LIMA1: variants seen among roughly 807,000 people sequenced by gnomAD.
LIMA1 encodes the protein LIM domain and actin-binding protein 1.
Under a neutral mutation model 62.6 loss-of-function variants are expected in LIMA1, and 52 were observed. That is an observed-to-expected ratio of 0.83 (90% confidence interval 0.67 to 1.05). The LOEUF (loss-of-function observed/expected upper bound fraction) is 1.05, where lower values mean the gene tolerates loss of function less well. LIMA1 is among the 50% of genes least tolerant of loss of function. The pLI is 0.00. For missense variants in LIMA1, 780 were observed against 902.2 expected, an observed-to-expected ratio of 0.86 and a Z score of 1.74; for synonymous variants, 302 against 317.8, an observed-to-expected ratio of 0.95 and a Z score of 0.53.
chr12:50,277,471 G>C (rs187900851), intron 1 of LIMA1, among the ~76,000 whole-genome samples: 2 of 152,188 alleles, frequency 1.3e-5, no homozygotes, highest in Admixed American at 6.6e-5. Context: ...AGCTCCAAAG[G>C]CATCCTTTCA....
intron 1 of LIMA1, among the ~76,000 whole-genome samples, chr12:50,263,857 GTATATA>G (rs67882718): frequency 1.3e-4 from 16 of 125,684 alleles, no homozygotes; most frequent in South Asian, 1.3e-3. Flanking sequence ...TATATAGAGA[GTATATA>G]TATATATATA....
chr12:50,198,381 A>G (rs1169668502), intron 7 of LIMA1, among the ~76,000 whole-genome samples: 2 of 152,134 alleles, frequency 1.3e-5, no homozygotes, highest in African/African-American at 4.8e-5. Flanking sequence ...CCCTGTCTAT[A>G]CAAAAAATAA....
At chr12:50,195,452 A>T (rs1054599465) in intron 8 of LIMA1, among the ~76,000 whole-genome samples, 2 of 152,182 alleles carry the variant, frequency 1.3e-5, no homozygotes, top group Non-Finnish European at 2.9e-5. Context: ...TCAAATACTT[A>T]TTCACTAAAG....
intron 4 of LIMA1, among the ~76,000 whole-genome samples, chr12:50,210,409 C>A (rs1941232574): frequency 8.7e-6 from 1 of 114,566 alleles, no homozygotes; most frequent in Admixed American, 9.0e-5. Flanking sequence ...CAGAGCAAGA[C>A]CCCATTTCCA....
At chr12:50,261,042 A>ATATATATTTTTTT (rs1383547189) in intron 1 of LIMA1, among the ~76,000 whole-genome samples, 1 of 54,292 alleles carries the variant, frequency 1.8e-5, no homozygotes, top group African/African-American at 7.2e-5. Context: ...CATCTAGTAT[A>ATATATATTTTTTT]TTTTTTTTTT....
At chr12:50,192,210 C>G (rs1353831494) in intron 9 of LIMA1, among the ~76,000 whole-genome samples, 1 of 151,836 alleles carries the variant, frequency 6.6e-6, no homozygotes, top group African/African-American at 2.4e-5. Flanking sequence ...TTAAAACTTT[C>G]ATGAGTTTTC....
chr12:50,204,761 C>G, intron 5 of LIMA1, 61 bp from the exon 6 acceptor site: 2 of 1,549,076 alleles, frequency 1.3e-6, no homozygotes, highest in Non-Finnish European at 1.8e-6. Context: ...ACTCTATCAC[C>G]CAGGCTGAAG....
intron 1 of LIMA1, among the ~76,000 whole-genome samples, chr12:50,259,564 T>A (rs1942039802): frequency 6.6e-6 from 1 of 152,204 alleles, no homozygotes; most frequent in South Asian, 2.1e-4. Flanking sequence ...TACCCAGTAA[T>A]TTTAGCTTAT....
At position 50,196,294 on chromosome 12, in the gene LIMA1, C is replaced by G. The variant is rs563915528; in HGVS notation, c.973-407G>C. ...AAGATAAAGTATTTAAATATAGGAA[C>G]CATTCTTATTTTTTAATTTTCCTAA... On this transcript the variant is annotated intron_variant, in intron 7 of 10. Transcript: ENST00000341247. 2.0e-5 allele frequency among the ~76,000 whole-genome samples: 3 copies of G among 152,154 alleles called. No homozygotes were observed. In the South Asian group the frequency reaches 6.2e-4, roughly 32 times the overall value.
intron 6 of LIMA1, chr12:50,201,145 C>T (rs1389180283): frequency 2.8e-5 from 33 of 1,195,482 alleles, no homozygotes; most frequent in Non-Finnish European, 3.0e-5. Context: ...CACATCAACA[C>T]AGGCACACAG....
At position 50,200,911 on chromosome 12, in the gene LIMA1, T is replaced by A. The variant is rs754678765; in HGVS notation, c.865-27A>T. Reference sequence around the variant, plus strand: ...TACAAAATAAAAATAACTGTAAAAATTTTTTTAAAGTCCCATCATTCTGTT... The same window carrying A: ...TACAAAATAAAAATAACTGTAAAAAATTTTTTAAAGTCCCATCATTCTGTT... On this transcript the variant is annotated intron_variant, in intron 6 of 10. Coordinates refer to ENST00000341247, the MANE Select transcript of LIMA1 (RefSeq NM_016357.5). 2.3e-5 allele frequency: 37 copies of A among 1,608,242 alleles called. No individual in the cohort carries two copies. In the East Asian group the frequency reaches 6.7e-4, roughly 29 times the overall value.
intron 2 of LIMA1, 108 bp downstream of exon 2, chr12:50,248,525 C>T (rs150132399): frequency 5.0e-5 from 36 of 725,712 alleles, no homozygotes; most frequent in Middle Eastern, 4.9e-4. Context: ...ATCCACGAGG[C>T]GCCCAATAAA....
Position 50,274,919 on chromosome 12 carries a change from G to A in LIMA1, c.-24+8501C>T, listed in dbSNP as rs182942168. Among the ~76,000 whole-genome samples, 11 of 152,270 alleles carry A rather than the reference G, an allele frequency of 7.2e-5. No individual in the cohort carries two copies. In the East Asian group the frequency reaches 1.5e-3, roughly 21 times the overall value. Reference sequence around the variant, plus strand: ...GCTAGGAAGTAAGTGAGAAGCATGCGATGACACAGAGATGAGTAGTAGTCA... The same window carrying A: ...GCTAGGAAGTAAGTGAGAAGCATGCAATGACACAGAGATGAGTAGTAGTCA... On this transcript the variant is annotated intron_variant, in intron 1 of 10. Transcript: ENST00000341247.
intron 6 of LIMA1, chr12:50,201,940 G>A (rs754241594): frequency 1.3e-5 from 2 of 152,040 alleles, no homozygotes; most frequent in Admixed American, 6.6e-5. Flanking sequence ...CATAGAGGTC[G>A]ATGACTATAG....
At chr12:50,263,254 T>C (rs1194545839) in intron 1 of LIMA1, among the ~76,000 whole-genome samples, 1 of 152,200 alleles carries the variant, frequency 6.6e-6, no homozygotes, top group East Asian at 1.9e-4. Flanking sequence ...GCAACTATAA[T>C]TTACTGAGAG....
intron 1 of LIMA1, among the ~76,000 whole-genome samples, chr12:50,262,747 A>G (rs1255887529): frequency 6.6e-6 from 1 of 152,200 alleles, no homozygotes; most frequent in Non-Finnish European, 1.5e-5. Flanking sequence ...TGAGCCCAGG[A>G]GGTCAAGGCT....
At chr12:50,256,468 A>G (rs1941998925) in intron 1 of LIMA1, 1 of 152,232 alleles carries the variant, frequency 6.6e-6, no homozygotes, top group Admixed American at 6.5e-5. Flanking sequence ...CTAAGAAATG[A>G]GCACTGGTAC....
intron 4 of LIMA1, among the ~76,000 whole-genome samples, chr12:50,216,872 T>C (rs529933823): frequency 3.3e-5 from 5 of 152,050 alleles, no homozygotes; most frequent in African/African-American, 1.2e-4. Flanking sequence ...CAAAAATAAA[T>C]AAATAAAACC....
At chr12:50,195,622 G>C (rs995330548) in intron 8 of LIMA1, 4 of 406,718 alleles carry the variant, frequency 9.8e-6, no homozygotes, top group Non-Finnish European at 1.7e-5. Context: ...CAAGTATTCA[G>C]TTTGTCCCAA....
Sources: allele counts gnomAD v4.1 joint callset (sites outside exome capture counted in the v4.1 genomes callset), GRCh38; gene constraint gnomAD v4.1.1; transcripts MANE v1.5; gene names NCBI Gene and HGNC (gene_info 2026-07-23, HGNC 2026-07-21).